Variants in GABRG3 observed in about 807,000 individuals in gnomAD.
GABRG3 encodes the protein gamma-aminobutyric acid receptor subunit gamma-3.
In GABRG3, 25 loss-of-function variants were observed where a neutral mutation model predicts 48.8. The observed-to-expected ratio is 0.51, with a 90% CI of 0.37 to 0.72. The LOEUF is 0.72. Ranked by LOEUF, GABRG3 falls within the 30% of genes least tolerant of loss-of-function variation. GABRG3 has a pLI of 0.00. For missense variants in GABRG3, 394 were observed against 577.9 expected (o/e 0.68, Z 3.26); for synonymous variants, 227 against 217.6 (o/e 1.04, Z -0.38).
At chr15:27,437,216 T>G (rs1456342287) in intron 5 of GABRG3, among the ~76,000 whole-genome samples, 1 of 152,136 alleles carries the variant, frequency 6.6e-6, no homozygotes, top group Admixed American at 6.5e-5. Context: ...AACTCAAACT[T>G]TAGAATGAAC....
At chr15:27,301,751 A>G (rs2140493411) in intron 3 of GABRG3, among the ~76,000 whole-genome samples, 1 of 152,320 alleles carries the variant, frequency 6.6e-6, no homozygotes, top group East Asian at 1.9e-4. Flanking sequence ...CTAAAGATTT[A>G]GAAGCTAAGC....
chr15:27,469,987 C>A (rs758510570), intron 5 of GABRG3, among the ~76,000 whole-genome samples: 5 of 152,098 alleles, frequency 3.3e-5, no homozygotes, highest in Admixed American at 1.3e-4. Context: ...ATTCATCGGA[C>A]GCTGTGAAGT....
chr15:27,462,473 G>T (rs1404543258), intron 5 of GABRG3, among the ~76,000 whole-genome samples: 1 of 151,998 alleles, frequency 6.6e-6, no homozygotes, highest in Non-Finnish European at 1.5e-5. Flanking sequence ...AAATATGAAA[G>T]AACACAGAAA....
At position 27,230,574 on chromosome 15, in the gene GABRG3, T is replaced by C. The variant is rs1214511871; in HGVS notation, c.271-96235T>C. Among the ~76,000 whole-genome samples, 4 of 152,314 alleles carry C rather than the reference T, an allele frequency of 2.6e-5. No individual in the cohort carries two copies. The East Asian group carries it at 7.7e-4, about 29-fold the overall frequency. On this transcript the variant is annotated intron_variant, in intron 3 of 9. Transcript: ENST00000615808. ...AAAATGAAGCATAGGCTTTTATAAT[T>C]TGTATATGTTTGTAAAGTTTGCATA...
chr15:27,221,456 A>T (rs1316138574), intron 3 of GABRG3, among the ~76,000 whole-genome samples: 1 of 152,200 alleles, frequency 6.6e-6, no homozygotes, highest in Non-Finnish European at 1.5e-5. Flanking sequence ...CAACAACCAC[A>T]AACTAAACTA....
intron 3 of GABRG3, among the ~76,000 whole-genome samples, chr15:27,184,242 A>T (rs1029701270): frequency 6.6e-6 from 1 of 152,230 alleles, no homozygotes; most frequent in African/African-American, 2.4e-5. Flanking sequence ...TTTGTCATGC[A>T]GGTGCCTCTG....
chr15:27,540,627 G>A lies in GABRG3; in HGVS notation c.*7746G>A, dbSNP rs909678949. 1 of 152,194 alleles carries A rather than the reference G, an allele frequency of 6.6e-6. No homozygotes were observed. Among genetic ancestry groups the A allele is most frequent in the Admixed American group, 6.5e-5 (1 of 15,282 alleles). The allele number at this position is 152,194 out of a possible 1,614,324, so 9.4% of individuals were successfully genotyped here. ...TGACATTTGATATGTCTAATTTTGT[G>A]CTAGTGAACCAAGTTTACCTGCTCA... On this transcript the variant is annotated 3_prime_UTR_variant, in exon 10 of 10. Transcript: ENST00000615808.
intron 5 of GABRG3, among the ~76,000 whole-genome samples, chr15:27,426,585 G>A (rs1167736137): frequency 1.3e-5 from 2 of 152,072 alleles, no homozygotes; most frequent in African/African-American, 2.4e-5. Context: ...GAGTCAAGAA[G>A]GTAGATGGCC....
intron 3 of GABRG3, among the ~76,000 whole-genome samples, chr15:27,314,220 A>G (rs2079818626): frequency 6.6e-6 from 1 of 152,184 alleles, no homozygotes; most frequent in South Asian, 2.1e-4. Context: ...GACACATACA[A>G]TATTAATAAA....
rs577442822 is a variant in GABRG3, at chr15:27,479,367, G to A, written c.575-1283G>A. ...GGTCCCTTGAGCTTAGCATTTTCAA[G>A]TTAAGGGAGAGCATGTATCCCTGCT... On this transcript the variant is annotated intron_variant, in intron 5 of 9. Transcript: ENST00000615808. Among the ~76,000 whole-genome samples the A allele has an allele frequency of 2.3e-4, 35 of 152,308 alleles. No homozygotes were observed. In the East Asian group the frequency reaches 5.2e-3, roughly 23 times the overall value.
At chr15:27,114,030 T>C (rs569637261) in intron 3 of GABRG3, among the ~76,000 whole-genome samples, 29 of 152,380 alleles carry the variant, frequency 1.9e-4, no homozygotes, top group African/African-American at 6.5e-4. Flanking sequence ...TTATTCTTAC[T>C]AAACCTTATT....
rs368143684 is a variant in GABRG3 at position 27,214,769 on chromosome 15, A to G, written c.271-112040A>G. 3.3e-5 allele frequency among the ~76,000 whole-genome samples: 5 copies of G among 151,710 alleles called. No individual in the cohort carries two copies. In the East Asian group the frequency reaches 9.7e-4, roughly 30 times the overall value. On this transcript the variant is annotated intron_variant, in intron 3 of 9. Transcript: ENST00000615808. ...TTGAGAATCCTGGTCACTGGTATTG[A>G]AACAACATTGCAGGGTATTGAGTAT... is the stretch of plus-strand genomic sequence containing the variant.
At chr15:27,088,461 C>T (rs572047821) in intron 3 of GABRG3, among the ~76,000 whole-genome samples, 1 of 152,222 alleles carries the variant, frequency 6.6e-6, no homozygotes, top group South Asian at 2.1e-4. Flanking sequence ...AGGCTGTGTG[C>T]CGGGCAGGCT....
rs138900982 is a variant in GABRG3 at position 27,236,759 on chromosome 15, C to T, written c.271-90050C>T. 1.2e-3 allele frequency among the ~76,000 whole-genome samples: 187 copies of T among 152,318 alleles called. No homozygotes were observed. The highest frequency in any genetic ancestry group is 4.1e-3 in the Admixed American group (63 of 15,304). On this transcript the variant is annotated intron_variant, in intron 3 of 9. Coordinates refer to ENST00000615808, the MANE Select transcript of GABRG3 (RefSeq NM_033223.5). This position sits in a 1 kb window ranked among gnomAD's most constrained non-coding sequence, Gnocchi z 4.4. ...ATCAGAGGGCCAAAAACTCTATCCT[C>T]GGATCATGCGAACACTGCCATTTTT...
chr15:27,294,960 A>G (rs1384871482), intron 3 of GABRG3: 1 of 152,224 alleles, frequency 6.6e-6, no homozygotes, highest in Non-Finnish European at 1.5e-5. Context: ...CAGAATGGTC[A>G]GAATAGCTGG....
At chr15:27,087,379 C>T (rs1165673179) in intron 3 of GABRG3, among the ~76,000 whole-genome samples, 1 of 152,194 alleles carries the variant, frequency 6.6e-6, no homozygotes, top group African/African-American at 2.4e-5. Context: ...GCTCACTGAG[C>T]ATTTATTGAC....
intron 3 of GABRG3, among the ~76,000 whole-genome samples, chr15:27,168,719 A>T (rs764814816): frequency 1.3e-5 from 2 of 152,228 alleles, no homozygotes; most frequent in Non-Finnish European, 2.9e-5. Flanking sequence ...CACAGCAAGA[A>T]GATGTGGTCT....
intron 6 of GABRG3, among the ~76,000 whole-genome samples, chr15:27,488,573 G>C (rs1421606187): frequency 1.3e-5 from 2 of 152,154 alleles, no homozygotes; most frequent in Non-Finnish European, 2.9e-5. Context: ...TCATTGTCTG[G>C]CATTCATTTT....
At chr15:27,026,639 T>A in intron 2 of GABRG3, 115 bp from the exon 3 acceptor site, 1 of 553,696 alleles carries the variant, frequency 1.8e-6, no homozygotes, top group Non-Finnish European at 3.1e-6. Flanking sequence ...GCCCTGCTCA[T>A]GTGTGTTTCC....
Sources: allele counts gnomAD v4.1 joint callset (sites outside exome capture counted in the v4.1 genomes callset), GRCh38; gene constraint gnomAD v4.1.1; non-coding constraint Gnocchi (gnomAD v3.1); transcripts MANE v1.5; gene names NCBI Gene and HGNC (gene_info 2026-07-23, HGNC 2026-07-21).